The following EYS variants were observed in gnomAD, a reference collection of about 807,000 sequenced individuals.
EYS encodes EGF-like photoreceptor maintenance factor.
In EYS, 250 loss-of-function variants were observed where a neutral mutation model predicts 282.1. That is an observed-to-expected ratio of 0.89 (90% CI 0.80 to 0.98). EYS has a LOEUF of 0.98. EYS is among the 50% of genes least tolerant of loss of function. EYS has a pLI of 0.00. For missense variants in EYS, 4,016 were observed against 3,709.0 expected (o/e 1.08, Z -2.15); for synonymous variants, 1,355 against 1,282.9 (o/e 1.06, Z -1.20).
At chr6:64,249,504 A>C (rs533119418) in intron 30 of EYS, among the ~76,000 whole-genome samples, 2 of 152,340 alleles carry the variant, frequency 1.3e-5, no homozygotes, top group Admixed American at 1.3e-4. Flanking sequence ...ATATAACAAA[A>C]TTGTGCTTGT....
chr6:64,530,505 C>T (rs1441038409), intron 26 of EYS, among the ~76,000 whole-genome samples: 1 of 151,812 alleles, frequency 6.6e-6, no homozygotes, highest in African/African-American at 2.4e-5. Flanking sequence ...AACATATATG[C>T]AATAATTTTA....
chr6:65,433,009 G>C (rs970685822), intron 5 of EYS, among the ~76,000 whole-genome samples: 2 of 152,080 alleles, frequency 1.3e-5, no homozygotes, highest in Non-Finnish European at 2.9e-5. Flanking sequence ...TGGATATCAC[G>C]TGTTTGTTTT....
At chr6:64,125,389 T>C (rs997993467) in intron 31 of EYS, among the ~76,000 whole-genome samples, 2 of 151,044 alleles carry the variant, frequency 1.3e-5, no homozygotes, top group Non-Finnish European at 2.9e-5. Flanking sequence ...TGCCCCGTTG[T>C]AAAAGAAAGG....
At chr6:65,305,497 C>T (rs1768980409) in intron 11 of EYS, among the ~76,000 whole-genome samples, 2 of 152,196 alleles carry the variant, frequency 1.3e-5, no homozygotes, top group Admixed American at 1.3e-4. Context: ...GAGGGCTGAG[C>T]AGCTCAGGAA....
chr6:63,905,528 CACCATG>C (rs1264965450), intron 35 of EYS, among the ~76,000 whole-genome samples: 1 of 151,920 alleles, frequency 6.6e-6, no homozygotes, highest in Non-Finnish European at 1.5e-5. Flanking sequence ...GATGGGGTTT[CACCATG>C]TTAGCCAGGA....
chr6:65,060,072 A>T (rs1190467182), intron 12 of EYS, among the ~76,000 whole-genome samples: 1 of 151,946 alleles, frequency 6.6e-6, no homozygotes, highest in Non-Finnish European at 1.5e-5. Flanking sequence ...TCTAAAAGAC[A>T]AATGTGATGA....
At chr6:65,601,663 T>C (rs904875334) in intron 2 of EYS, among the ~76,000 whole-genome samples, 4 of 152,048 alleles carry the variant, frequency 2.6e-5, no homozygotes, top group Middle Eastern at 3.4e-3. Context: ...CTCCATGAAA[T>C]AAAAATAGAA....
chr6:65,293,043 G>T (rs1261791014), intron 12 of EYS, among the ~76,000 whole-genome samples: 1 of 151,592 alleles, frequency 6.6e-6, no homozygotes, highest in African/African-American at 2.4e-5. Flanking sequence ...ACAGGAAACG[G>T]CTGGGCTTGA....
intron 7 of EYS, among the ~76,000 whole-genome samples, chr6:65,395,180 C>T (rs1046982494): frequency 6.6e-6 from 1 of 152,214 alleles, no homozygotes; most frequent in African/African-American, 2.4e-5. Context: ...TCTCCTGCCT[C>T]AGCCTCCCAA....
intron 31 of EYS, among the ~76,000 whole-genome samples, chr6:64,184,806 G>T (rs1266064560): frequency 1.3e-5 from 2 of 152,004 alleles, no homozygotes; most frequent in African/African-American, 2.4e-5. Flanking sequence ...TTTATTTTTT[G>T]TTTTTAAATA....
chr6:63,795,079 A>T (rs2149673758), intron 37 of EYS, among the ~76,000 whole-genome samples: 1 of 152,344 alleles, frequency 6.6e-6, no homozygotes, highest in South Asian at 2.1e-4. Flanking sequence ...CACAGGAAAA[A>T]AAACTGGATC....
chr6:65,016,793 C>T (rs146015108), intron 13 of EYS, among the ~76,000 whole-genome samples: 10 of 152,206 alleles, frequency 6.6e-5, no homozygotes, highest in South Asian at 4.1e-4. Flanking sequence ...AAGATAAGTC[C>T]TAATTCTCTT....
intron 22 of EYS, among the ~76,000 whole-genome samples, chr6:64,800,903 C>T (rs1336178897): frequency 2.6e-5 from 4 of 151,872 alleles, no homozygotes; most frequent in African/African-American, 9.7e-5. Flanking sequence ...TTCACAATTG[C>T]ACGTCAGATT....
At chr6:64,837,554 G>C (rs1324138657) in intron 19 of EYS, among the ~76,000 whole-genome samples, 1 of 149,030 alleles carries the variant, frequency 6.7e-6, no homozygotes, top group Non-Finnish European at 1.5e-5. Flanking sequence ...CATTGTCCCT[G>C]TTTTCAGATG....
chr6:65,674,941 A>C (rs1768524915), intron 1 of EYS, among the ~76,000 whole-genome samples: 1 of 62,954 alleles, frequency 1.6e-5, no homozygotes, highest in South Asian at 4.7e-4. Context: ...CAATATAAGA[A>C]AGTATAATTG....
At chr6:63,740,204 T>C (rs1041563179) in intron 41 of EYS, among the ~76,000 whole-genome samples, 4 of 152,350 alleles carry the variant, frequency 2.6e-5, no homozygotes, top group Admixed American at 6.5e-5. Flanking sequence ...CCACATGTTA[T>C]GGGAGGAACC....
At position 65,177,504 on chromosome 6, in the gene EYS, C is replaced by G. The variant is rs534686703; in HGVS notation, c.2023+118359G>C. 2.0e-5 allele frequency among the ~76,000 whole-genome samples: 3 copies of G among 151,834 alleles called. No homozygotes were observed. The South Asian group carries it at 6.2e-4, about 32-fold the overall frequency. Reference sequence around the variant, plus strand: ...TTCAGGATTGTTTGTAGTTTGTAAACACGTTTAGCTATACGATTATGCTAT... The same window carrying G: ...TTCAGGATTGTTTGTAGTTTGTAAAGACGTTTAGCTATACGATTATGCTAT... On this transcript the variant is annotated intron_variant, in intron 12 of 42. Coordinates refer to ENST00000503581, the MANE Select transcript of EYS (RefSeq NM_001142800.2).
chr6:64,619,806 A>G (rs986193050), intron 23 of EYS, among the ~76,000 whole-genome samples: 7 of 152,052 alleles, frequency 4.6e-5, no homozygotes, highest in Admixed American at 4.6e-4. Context: ...CCCGGAGTAC[A>G]GGATTACATT....
chr6:63,763,592 T>A (rs1769704425), intron 40 of EYS, among the ~76,000 whole-genome samples: 2 of 151,828 alleles, frequency 1.3e-5, no homozygotes, highest in South Asian at 4.2e-4. Flanking sequence ...TGAGATCTGA[T>A]GGTTTTATAA....
Sources: gnomAD v4.1 joint callset for allele counts (sites outside exome capture counted in the v4.1 genomes callset) on GRCh38, gnomAD v4.1.1 for gene constraint, MANE v1.5 for transcripts, NCBI Gene and HGNC (gene_info 2026-07-23, HGNC 2026-07-21) for gene names.